The following TP63 variants were observed in gnomAD, a reference collection of about 807,000 sequenced individuals.
TP63 encodes tumor protein 63.
Under a neutral mutation model 82.8 loss-of-function variants are expected in TP63, and 17 were observed. That is an observed-to-expected ratio of 0.21 (90% CI 0.14 to 0.31). The LOEUF (loss-of-function observed/expected upper bound fraction) is 0.31. Ranked by LOEUF, TP63 falls within the 10% of genes least tolerant of loss-of-function variation. The probability of loss-of-function intolerance (pLI) is 1.00; values close to 1 mark genes in which losing one functional copy is unlikely to be tolerated. For synonymous variants in TP63, 330 were observed against 321.7 expected (o/e 1.03, Z -0.28); for missense variants, 648 against 895.3 (o/e 0.72, Z 3.52).
rs994993831 is a variant in TP63, at chr3:189,756,282, C to T, written c.324+17508C>T. ...AAAATATATTTCACATAGCAAAAAT[C>T]CTCTAATTTTTGGAAAGTGGATTTG... is the stretch of plus-strand genomic sequence containing the variant. On this transcript the variant is annotated intron_variant, in intron 3 of 13. Coordinates refer to ENST00000264731, the MANE Select transcript of TP63 (RefSeq NM_003722.5). Among the ~76,000 whole-genome samples the T allele has an allele frequency of 2.0e-5, 3 of 152,084 alleles. No individual in the cohort carries two copies. In the East Asian group the frequency reaches 5.8e-4, roughly 29 times the overall value.
chr3:189,770,455 C>T (rs960051615), intron 3 of TP63, among the ~76,000 whole-genome samples: 15 of 151,864 alleles, frequency 9.9e-5, no homozygotes, highest in Non-Finnish European at 1.9e-4. Context: ...ATCCCAGCTG[C>T]TCGGGGGGCT....
At chr3:189,604,877 G>GAAA in the TP63 span, among the ~76,000 whole-genome samples, 1 of 152,094 alleles carries the variant, frequency 6.6e-6, no homozygotes, top group East Asian at 1.9e-4. Flanking sequence ...CACTTTACAT[G>GAAA]GTTTATTTAC....
intron 10 of TP63, among the ~76,000 whole-genome samples, chr3:189,881,699 A>AC (rs1276849211): frequency 1.3e-5 from 2 of 152,180 alleles, no homozygotes; most frequent in Non-Finnish European, 1.5e-5. Context: ...ATCAATCGTA[A>AC]CAAGGAACTA....
At chr3:189,771,294 T>TATAA (rs1328180412) in intron 3 of TP63, among the ~76,000 whole-genome samples, 3 of 138,788 alleles carry the variant, frequency 2.2e-5, no homozygotes, top group Non-Finnish European at 4.6e-5. Flanking sequence ...TAAATATATA[T>TATAA]TATATTTATA....
chr3:189,609,521 T>C, the TP63 span, among the ~76,000 whole-genome samples: 1 of 152,120 alleles, frequency 6.6e-6, no homozygotes, highest in Non-Finnish European at 1.5e-5. Flanking sequence ...TTTCTTATCC[T>C]CTCCTTCCTC....
chr3:189,688,910 G>A (rs149117125), intron 1 of TP63, among the ~76,000 whole-genome samples: 106 of 152,036 alleles, frequency 7.0e-4, no homozygotes, highest in African/African-American at 2.4e-3. Context: ...ATGATTTACA[G>A]GTCATCTTGT....
At chr3:189,674,856 C>CTAG (rs1715249889) in intron 1 of TP63, among the ~76,000 whole-genome samples, 1 of 152,126 alleles carries the variant, frequency 6.6e-6, no homozygotes, top group Non-Finnish European at 1.5e-5. Flanking sequence ...ATGATATTAA[C>CTAG]TAGAAGACCC....
At chr3:189,657,310 A>G (rs909219671) in intron 1 of TP63, among the ~76,000 whole-genome samples, 1 of 152,132 alleles carries the variant, frequency 6.6e-6, no homozygotes, top group African/African-American at 2.4e-5. Context: ...CCATTACGGC[A>G]TAAAAAATGA....
intron 1 of TP63, among the ~76,000 whole-genome samples, chr3:189,640,182 G>A (rs1711699844): frequency 6.6e-6 from 1 of 151,928 alleles, no homozygotes; most frequent in Non-Finnish European, 1.5e-5. Flanking sequence ...CCATGACACT[G>A]CAACTGCCTC....
intron 1 of TP63, among the ~76,000 whole-genome samples, chr3:189,643,925 A>T (rs1390359851): frequency 6.6e-6 from 1 of 152,102 alleles, no homozygotes; most frequent in Non-Finnish European, 1.5e-5. Context: ...TGATTTACTG[A>T]CCTTTATGAC....
At position 189,864,239 on chromosome 3, in the gene TP63, C is replaced by A. The variant is rs568772953; in HGVS notation, c.587C>A (p.Thr196Asn). The change falls in exon 5 of 14, where the codon ACT (threonine) becomes AAT (asparagine). Residue 196 changes from threonine to asparagine, a missense_variant. Thr to Asn is a moderately conservative substitution (Grantham distance 65). This residue lies in a region of TP63 where 64 missense variants were observed against 144.2 expected (regional missense o/e 0.44). Coordinates refer to ENST00000264731, the MANE Select transcript of TP63 (RefSeq NM_003722.5). ...TAKSATWTYS[T>N]ELKKLYCQIA... Reference sequence around the variant, plus strand: ...GGCCCCAACTCTAAGCAGTATTCCACTGAACTGAAGAAACTCTACTGCCAA... The same window carrying A: ...GGCCCCAACTCTAAGCAGTATTCCAATGAACTGAAGAAACTCTACTGCCAA... 7.4e-6 allele frequency: 12 copies of A among 1,614,176 alleles called. No individual in the cohort carries two copies. Among genetic ancestry groups the A allele is most frequent in the Non-Finnish European group, 1.0e-5 (12 of 1,180,022 alleles).
At chr3:189,633,709 G>C (rs1729599371) in intron 1 of TP63, among the ~76,000 whole-genome samples, 1 of 152,018 alleles carries the variant, frequency 6.6e-6, no homozygotes, top group Non-Finnish European at 1.5e-5. Flanking sequence ...GAATGGCCAG[G>C]GAGCAATTAT....
intron 3 of TP63, among the ~76,000 whole-genome samples, chr3:189,748,046 C>T (rs1332684247): frequency 3.8e-4 from 57 of 151,850 alleles, no homozygotes; most frequent in Admixed American, 3.7e-3. Flanking sequence ...TAGAAACATG[C>T]CTCTACATAA....
intron 1 of TP63, among the ~76,000 whole-genome samples, chr3:189,656,702 G>A (rs1024271491): frequency 1.8e-4 from 27 of 152,062 alleles, no homozygotes; most frequent in Non-Finnish European, 3.7e-4. Context: ...ATATAGAACA[G>A]CTATATTCAT....
intron 3 of TP63, among the ~76,000 whole-genome samples, chr3:189,766,907 T>C (rs1233535472): frequency 6.6e-6 from 1 of 152,234 alleles, no homozygotes; most frequent in Non-Finnish European, 1.5e-5. Context: ...TTAAACTCTT[T>C]GGATGAAATC....
chr3:189,611,934 T>G, the TP63 span, among the ~76,000 whole-genome samples: 1 of 152,240 alleles, frequency 6.6e-6, no homozygotes, highest in Non-Finnish European at 1.5e-5. Context: ...GGTTTGGTTG[T>G]TGGTGGTGTA....
At chr3:189,812,716 C>A (rs983930460) in intron 4 of TP63, among the ~76,000 whole-genome samples, 1 of 152,142 alleles carries the variant, frequency 6.6e-6, no homozygotes, top group African/African-American at 2.4e-5. Context: ...CCTATTAGCA[C>A]CTAGCTACTC....
the TP63 span, among the ~76,000 whole-genome samples, chr3:189,618,799 A>G: frequency 2.0e-5 from 3 of 152,036 alleles, no homozygotes; most frequent in African/African-American, 7.2e-5. Context: ...GCTTCATATT[A>G]TATATCCATT....
intron 4 of TP63, chr3:189,844,476 G>A (rs555843581): frequency 4.9e-5 from 13 of 267,024 alleles, no homozygotes; most frequent in South Asian, 3.9e-4. Flanking sequence ...AGTAGAGATG[G>A]GGTTTCACTA....
Sources: allele counts gnomAD v4.1 joint callset (sites outside exome capture counted in the v4.1 genomes callset), GRCh38; gene constraint gnomAD v4.1.1; regional missense constraint gnomAD v4.1.1; transcripts MANE v1.5; gene names NCBI Gene and HGNC (gene_info 2026-07-23, HGNC 2026-07-21).